Variants in ANO5 observed in about 807,000 individuals in gnomAD.
ANO5 encodes anoctamin-5.
Under a neutral mutation model 121.0 loss-of-function variants are expected in ANO5, and 109 were observed. That is an observed-to-expected ratio of 0.90 (90% CI 0.77 to 1.06). The LOEUF (loss-of-function observed/expected upper bound fraction) is 1.06. Ranked by LOEUF, ANO5 falls within the 50% of genes least tolerant of loss-of-function variation. The pLI is 0.00. For synonymous variants in ANO5, 406 were observed against 359.9 expected, an observed-to-expected ratio of 1.13 and a Z score of -1.45; for missense variants, 1,064 against 1,078.5, an observed-to-expected ratio of 0.99 and a Z score of 0.19.
rs369683753 is a variant in ANO5, at chr11:22,211,331, A to C, written c.138+17A>C. 10 of 1,610,626 alleles carry C rather than the reference A, an allele frequency of 6.2e-6. No individual in the cohort carries two copies. The highest frequency in any genetic ancestry group is 1.7e-5 in the Admixed American group (1 of 59,798). On this transcript the variant is annotated intron_variant, in intron 3 of 21. Transcript: ENST00000324559. ...GAAACAATGGTAAGCAGCGACCAGT[A>C]CTATCCTTTCTTGCATGGACACAAA...
chr11:22,247,912 G>A (rs2034459191), intron 9 of ANO5, among the ~76,000 whole-genome samples: 1 of 151,608 alleles, frequency 6.6e-6, no homozygotes, highest in African/African-American at 2.4e-5. Flanking sequence ...TCCATATGTT[G>A]TATGTTAATG....
intron 21 of ANO5, among the ~76,000 whole-genome samples, chr11:22,277,532 C>T (rs563670466): frequency 1.5e-4 from 23 of 151,568 alleles, no homozygotes; most frequent in African/African-American, 5.6e-4. Context: ...ATACAATAGT[C>T]AGGGTTTATA....
At chr11:22,201,826 T>A (rs908198002) in intron 1 of ANO5, among the ~76,000 whole-genome samples, 6 of 152,206 alleles carry the variant, frequency 3.9e-5, no homozygotes, top group Admixed American at 1.3e-4. Flanking sequence ...CCTAATCACC[T>A]CTTAAAGGGC....
rs747424276 is a variant in ANO5 at position 22,251,047 on chromosome 11, C to A, written c.1180+36C>A. On this transcript the variant is annotated intron_variant, in intron 12 of 21. Coordinates refer to ENST00000324559, the MANE Select transcript of ANO5 (RefSeq NM_213599.3). ...AGTCCCATAAAGAAACAGCTTTCTT[C>A]CTATTAATGTGTTGTTTTGCCTCCA... 7.0e-6 allele frequency: 11 copies of A among 1,565,196 alleles called. No individual in the cohort carries two copies. In the African/African-American group the frequency reaches 1.2e-4, roughly 17 times the overall value.
intron 17 of ANO5, among the ~76,000 whole-genome samples, chr11:22,269,871 G>A (rs1854545075): frequency 6.6e-6 from 1 of 152,098 alleles, no homozygotes; most frequent in Non-Finnish European, 1.5e-5. Context: ...ATGGAATTTA[G>A]TTGGTTAAAA....
intron 17 of ANO5, among the ~76,000 whole-genome samples, chr11:22,266,918 A>G (rs1171181728): frequency 6.6e-6 from 1 of 152,178 alleles, no homozygotes; most frequent in Non-Finnish European, 1.5e-5. Flanking sequence ...AGAGAGTGCA[A>G]TTGTGTCATT....
chr11:22,240,064 A>G (rs1853375931), intron 9 of ANO5, among the ~76,000 whole-genome samples: 1 of 152,104 alleles, frequency 6.6e-6, no homozygotes, highest in South Asian at 2.1e-4. Flanking sequence ...GAATAGCAAT[A>G]TTACTACTTT....
intron 9 of ANO5, among the ~76,000 whole-genome samples, chr11:22,247,053 A>C (rs1853649179): frequency 1.3e-5 from 2 of 152,256 alleles, no homozygotes; most frequent in Non-Finnish European, 2.9e-5. Flanking sequence ...AATGCGTATT[A>C]GTTACAGCAC....
intron 17 of ANO5, among the ~76,000 whole-genome samples, chr11:22,269,125 GGAAAGGAAAGGAAGGGA>G (rs1854480681): frequency 7.1e-6 from 1 of 140,612 alleles, no homozygotes; most frequent in African/African-American, 3.1e-5. Context: ...ATTAAAGAAA[GGAAAGGAAAGGAAGGGA>G]GAAAGGAAAG....
chr11:22,224,657 T>G (rs930163406), intron 5 of ANO5, among the ~76,000 whole-genome samples: 16 of 152,056 alleles, frequency 1.1e-4, no homozygotes, highest in African/African-American at 3.6e-4. Context: ...CTCCAGGACA[T>G]TGGTGCAGAC....
chr11:22,279,730 G>A lies in ANO5; in HGVS notation c.2707G>A (p.Glu903Lys). The A allele has an allele frequency of 6.2e-7, 1 of 1,612,776 alleles. No homozygotes were observed. Among genetic ancestry groups the A allele is most frequent in the Non-Finnish European group, 8.5e-7 (1 of 1,179,144 alleles). ...NEFAKHVMIE[E>K]NKAQLAKSTL ...ATTTGCCAAGCATGTCATGATTGAG[G>A]AAAACAAAGCACAGCTGGCTAAATC... The change falls in exon 22 of 22, where the codon GAA becomes AAA. Residue 903 changes from glutamate to lysine, a missense_variant. By Grantham distance (56) the Glu-to-Lys change is moderately conservative (BLOSUM62 1). Coordinates refer to ENST00000324559, the MANE Select transcript of ANO5 (RefSeq NM_213599.3).
At chr11:22,263,370 G>A (rs1854260740) in intron 17 of ANO5, among the ~76,000 whole-genome samples, 1 of 151,988 alleles carries the variant, frequency 6.6e-6, no homozygotes, top group Non-Finnish European at 1.5e-5. Context: ...TCTTTCCTGT[G>A]AAGATTTCAC....
intron 2 of ANO5, among the ~76,000 whole-genome samples, chr11:22,210,639 G>A (rs765893350): frequency 2.0e-4 from 30 of 151,876 alleles, no homozygotes; most frequent in Non-Finnish European, 3.5e-4. Context: ...GTGGACCATC[G>A]TGTAACCTAA....
intron 5 of ANO5, among the ~76,000 whole-genome samples, chr11:22,221,723 C>T (rs577203909): frequency 2.9e-4 from 44 of 151,962 alleles, no homozygotes; most frequent in African/African-American, 9.2e-4. Flanking sequence ...TCTTGTTCAC[C>T]GTTATGTACC....
chr11:22,254,466 A>G (rs1397616499), intron 12 of ANO5, among the ~76,000 whole-genome samples: 1 of 152,154 alleles, frequency 6.6e-6, no homozygotes, highest in South Asian at 2.1e-4. Context: ...AGGTATCTGG[A>G]AACAACTCAA....
At chr11:22,251,104 A>G in intron 12 of ANO5, 93 bp downstream of exon 12, 1 of 1,269,972 alleles carries the variant, frequency 7.9e-7, no homozygotes, top group South Asian at 1.3e-5. Context: ...TATCTTACAT[A>G]CCAAATGTGG....
chr11:22,234,648 A>C (rs1853154603), intron 7 of ANO5, among the ~76,000 whole-genome samples: 1 of 152,144 alleles, frequency 6.6e-6, no homozygotes, highest in Non-Finnish European at 1.5e-5. Context: ...TTGTACTCCA[A>C]GAAAAAGGAG....
chr11:22,230,365 T>C (rs1380477062), intron 7 of ANO5, among the ~76,000 whole-genome samples: 1 of 152,006 alleles, frequency 6.6e-6, no homozygotes, highest in African/African-American at 2.4e-5. Context: ...TTTCAGTCCA[T>C]TTATAATGGA....
rs886042583 is a variant in ANO5 at position 22,250,790 on chromosome 11, C to T, written c.1063C>T (p.Leu355Phe). ...TGGTGGTCAGATGATCATGTGCCCA[C>T]TCTGTGATCAAGTGTGTGATTATTG... is the stretch of plus-strand genomic sequence containing the variant. ...EIGGQMIMCP[L>F]CDQVCDYWRL... is the part of the protein sequence containing the mutation. The change falls in exon 11 of 22, where the codon CTC (leucine) becomes TTC (phenylalanine). Residue 355 changes from leucine (L) to phenylalanine (F), a missense_variant. Transcript: ENST00000324559. 3.7e-6 allele frequency: 6 copies of T among 1,614,078 alleles called. No individual in the cohort carries two copies. Among genetic ancestry groups the T allele is most frequent in the Non-Finnish European group, 5.1e-6 (6 of 1,179,946 alleles).
Sources: gnomAD v4.1 joint callset for allele counts (sites outside exome capture counted in the v4.1 genomes callset) on GRCh38, gnomAD v4.1.1 for gene constraint, MANE v1.5 for transcripts, NCBI Gene and HGNC (gene_info 2026-07-23, HGNC 2026-07-21) for gene names.